Variants in ROBO2 observed in about 807,000 individuals in gnomAD.
ROBO2 encodes roundabout homolog 2.
A neutral mutation model predicts 160.8 loss-of-function variants in ROBO2; 53 were observed. The observed-to-expected ratio is 0.33, with a 90% CI of 0.26 to 0.41. The LOEUF is 0.41. Among genes scored for constraint, ROBO2 ranks in the 10% least tolerant of loss-of-function variants. The probability of loss-of-function intolerance (pLI) is 1.00; values close to 1 mark genes in which losing one functional copy is unlikely to be tolerated. For missense variants in ROBO2, 1,577 were observed against 1,722.4 expected, an observed-to-expected ratio of 0.92 and a Z score of 1.49; for synonymous variants, 664 against 611.7, an observed-to-expected ratio of 1.09 and a Z score of -1.26.
At position 76,801,316 on chromosome 3, in the gene ROBO2, T is replaced by A. The variant is rs147260552; in HGVS notation, c.110-296698T>A. Among the ~76,000 whole-genome samples, 216 of 152,238 alleles carry A rather than the reference T, an allele frequency of 1.4e-3. 1 individual carries two copies. Among genetic ancestry groups the A allele is most frequent in the African/African-American group, 5.1e-3 (211 of 41,558 alleles). ...AGATGGTCAGTGGATAAAAAGCATA[T>A]AGTTATATACAAAGAATAAGATCTG... On this transcript the variant is annotated intron_variant, in intron 2 of 26. Coordinates refer to the ROBO2 transcript ENST00000487694.
chr3:77,027,013 T>G (rs1385910398), intron 2 of ROBO2, among the ~76,000 whole-genome samples: 1 of 152,148 alleles, frequency 6.6e-6, no homozygotes, highest in Non-Finnish European at 1.5e-5. Context: ...ACTACAAGAA[T>G]AGAGTCATAC....
At chr3:76,396,215 C>G (rs1201910324) in intron 2 of ROBO2, among the ~76,000 whole-genome samples, 1 of 152,082 alleles carries the variant, frequency 6.6e-6, no homozygotes, top group African/African-American at 2.4e-5. Context: ...GAACCAAAGA[C>G]AAAAACCACA....
At chr3:76,660,210 C>T (rs1290022751) in intron 2 of ROBO2, among the ~76,000 whole-genome samples, 1 of 152,098 alleles carries the variant, frequency 6.6e-6, no homozygotes, top group Non-Finnish European at 1.5e-5. Flanking sequence ...TGTTTTCTAG[C>T]AGTGTATTTT....
At chr3:77,120,619 G>A (rs2074659674) in intron 2 of ROBO2, among the ~76,000 whole-genome samples, 1 of 152,146 alleles carries the variant, frequency 6.6e-6, no homozygotes, top group Non-Finnish European at 1.5e-5. Context: ...AAATTCATTG[G>A]CATAGCTGGA....
At chr3:76,897,279 C>CAAA (rs11371862) in intron 2 of ROBO2, among the ~76,000 whole-genome samples, 37 of 150,794 alleles carry the variant, frequency 2.5e-4, no homozygotes, top group African/African-American at 7.8e-4. Context: ...CTGCTTTCAC[C>CAAA]AAAAAAAAAT....
At position 76,988,008 on chromosome 3, in the gene ROBO2, A is replaced by G. The variant is rs541635518; in HGVS notation, c.110-110006A>G. Among the ~76,000 whole-genome samples the G allele has an allele frequency of 1.1e-3, 171 of 152,304 alleles. 2 individuals are homozygous for G. The highest frequency in any genetic ancestry group is 3.9e-3 in the African/African-American group (161 of 41,572). ...TATTTTTGAAAATTAGACATTTCTT[A>G]CTGTTAAAATACATGTATATAAGCT... On this transcript the variant is annotated intron_variant, in intron 2 of 26. Transcript: ENST00000487694.
At chr3:77,465,101 G>A (rs1170199817) in intron 2 of ROBO2, among the ~76,000 whole-genome samples, 2 of 151,976 alleles carry the variant, frequency 1.3e-5, no homozygotes, top group Non-Finnish European at 2.9e-5. Context: ...CAAGAGTACC[G>A]AGAAAACAAG....
intron 2 of ROBO2, among the ~76,000 whole-genome samples, chr3:76,264,331 G>GTTT (rs5850243): frequency 1.4e-5 from 2 of 147,060 alleles, no homozygotes; most frequent in Non-Finnish European, 1.5e-5. Context: ...ATTGTCTCTA[G>GTTT]TTTTTTTTTT....
intron 2 of ROBO2, among the ~76,000 whole-genome samples, chr3:76,171,102 C>T (rs2073022414): frequency 6.6e-6 from 1 of 152,150 alleles, no homozygotes; most frequent in African/African-American, 2.4e-5. Flanking sequence ...GATATAAGAT[C>T]TCCCTCTCTT....
At chr3:76,627,532 C>A (rs1356471990) in intron 2 of ROBO2, among the ~76,000 whole-genome samples, 2 of 152,204 alleles carry the variant, frequency 1.3e-5, no homozygotes, top group East Asian at 1.9e-4. Context: ...CCCAGCAGTA[C>A]AAATTTATAA....
intron 2 of ROBO2, among the ~76,000 whole-genome samples, chr3:76,100,594 T>A (rs2069643743): frequency 6.6e-6 from 1 of 152,196 alleles, no homozygotes; most frequent in African/African-American, 2.4e-5. Flanking sequence ...TTTCATAGAG[T>A]TATTGGGGGA....
intron 24 of ROBO2, among the ~76,000 whole-genome samples, chr3:77,637,102 G>T (rs906526974): frequency 6.6e-6 from 1 of 152,136 alleles, no homozygotes; most frequent in African/African-American, 2.4e-5. Flanking sequence ...GAACCATCTG[G>T]AAAGCTCTTA....
intron 2 of ROBO2, among the ~76,000 whole-genome samples, chr3:76,226,416 G>C (rs1704289463): frequency 6.6e-6 from 1 of 152,118 alleles, no homozygotes; most frequent in South Asian, 2.1e-4. Context: ...GTGCCCTGAA[G>C]GGTGGTGATG....
intron 2 of ROBO2, among the ~76,000 whole-genome samples, chr3:77,313,282 A>G (rs1391909382): frequency 6.6e-6 from 1 of 152,176 alleles, no homozygotes; most frequent in African/African-American, 2.4e-5. Context: ...GAGGTATATA[A>G]TGATGTTTTG....
intron 2 of ROBO2, among the ~76,000 whole-genome samples, chr3:76,026,599 A>G (rs533806081): frequency 2.1e-4 from 32 of 152,094 alleles, no homozygotes; most frequent in African/African-American, 7.5e-4. Flanking sequence ...GACATGCAAT[A>G]TGGTATGTAC....
At chr3:76,500,808 C>G (rs1254694774) in intron 2 of ROBO2, among the ~76,000 whole-genome samples, 2 of 152,136 alleles carry the variant, frequency 1.3e-5, no homozygotes, top group African/African-American at 4.8e-5. Context: ...GATCCTTCCC[C>G]TTAATTTTGA....
intron 2 of ROBO2, among the ~76,000 whole-genome samples, chr3:77,290,850 A>G (rs2061125626): frequency 1.0e-5 from 1 of 97,042 alleles, no homozygotes; most frequent in African/African-American, 3.3e-5. Flanking sequence ...AGCTGAGGCT[A>G]GATCACTAAA....
intron 2 of ROBO2, among the ~76,000 whole-genome samples, chr3:76,319,676 C>G (rs2072348175): frequency 6.6e-6 from 1 of 151,568 alleles, no homozygotes; most frequent in Non-Finnish European, 1.5e-5. Flanking sequence ...ACCTGTTCTT[C>G]AAATTACTTG....
chr3:76,684,375 T>C (rs1323998398), intron 2 of ROBO2, among the ~76,000 whole-genome samples: 1 of 152,116 alleles, frequency 6.6e-6, no homozygotes, highest in Non-Finnish European at 1.5e-5. Flanking sequence ...GAGTGATCTA[T>C]AGTAGAGATT....
Sources: gnomAD v4.1 joint callset for allele counts (sites outside exome capture counted in the v4.1 genomes callset) on GRCh38, gnomAD v4.1.1 for gene constraint, MANE v1.5 for transcripts, NCBI Gene and HGNC (gene_info 2026-07-23, HGNC 2026-07-21) for gene names.